Variants in PDE4D observed in about 807,000 individuals in gnomAD.
The protein encoded by PDE4D is phosphodiesterase 4D.
A neutral mutation model predicts 87.4 loss-of-function variants in PDE4D; 24 were observed. The observed-to-expected ratio is 0.27, with a 90% CI of 0.20 to 0.39. The LOEUF (loss-of-function observed/expected upper bound fraction) is 0.39, where lower values mean the gene tolerates loss of function less well. Among genes scored for constraint, PDE4D ranks in the 10% least tolerant of loss-of-function variants. PDE4D has a pLI of 1.00. For synonymous variants in PDE4D, 384 were observed against 383.2 expected, an observed-to-expected ratio of 1.00 and a Z score of -0.02; for missense variants, 714 against 1,041.0, an observed-to-expected ratio of 0.69 and a Z score of 4.32.
chr5:59,303,737 C>T (rs1027921216), intron 1 of PDE4D, among the ~76,000 whole-genome samples: 1 of 152,032 alleles, frequency 6.6e-6, no homozygotes, highest in Non-Finnish European at 1.5e-5. Context: ...CTATTCTGTT[C>T]CATTGGTCTA....
chr5:59,958,565 T>C (rs1335676848), intron 3 of PDE4D, among the ~76,000 whole-genome samples: 5 of 152,112 alleles, frequency 3.3e-5, no homozygotes, highest in African/African-American at 9.7e-5. Flanking sequence ...TTATAGTGAA[T>C]TGATAAGCAG....
At chr5:60,095,154 C>T (rs1775549888) in intron 2 of PDE4D, among the ~76,000 whole-genome samples, 1 of 152,142 alleles carries the variant, frequency 6.6e-6, no homozygotes, top group Admixed American at 6.5e-5. Context: ...CACCTATCAA[C>T]ACATCACCTA....
intron 6 of PDE4D, among the ~76,000 whole-genome samples, chr5:59,007,844 CA>C (rs1323354346): frequency 6.6e-6 from 1 of 151,346 alleles, no homozygotes; most frequent in African/African-American, 2.4e-5. Flanking sequence ...TTTTTTTTAA[CA>C]AAAAAGTCTC....
intron 5 of PDE4D, among the ~76,000 whole-genome samples, chr5:59,148,521 G>A (rs1009668856): frequency 4.6e-5 from 7 of 152,238 alleles, no homozygotes; most frequent in African/African-American, 1.4e-4. Flanking sequence ...TGTGGAGAGG[G>A]TGAAATGATG....
chr5:60,048,362 T>C (rs1769592297), intron 2 of PDE4D, among the ~76,000 whole-genome samples: 2 of 152,232 alleles, frequency 1.3e-5, no homozygotes, highest in African/African-American at 4.8e-5. Context: ...TTAGTCCATT[T>C]ACATTTAAAG....
chr5:60,334,405 T>A (rs1757567528), intron 1 of PDE4D, among the ~76,000 whole-genome samples: 1 of 152,080 alleles, frequency 6.6e-6, no homozygotes, highest in South Asian at 2.1e-4. Flanking sequence ...AGCTAGTGAG[T>A]AAGGGAATAG....
chr5:59,077,220 T>C (rs751531611), intron 5 of PDE4D, among the ~76,000 whole-genome samples: 59 of 152,152 alleles, frequency 3.9e-4, no homozygotes, highest in Non-Finnish European at 6.8e-4. Flanking sequence ...ATAGAGTAAA[T>C]ATTTAACAAC....
intron 1 of PDE4D, among the ~76,000 whole-genome samples, chr5:60,500,059 A>C (rs1010826635): frequency 3.9e-5 from 6 of 152,040 alleles, no homozygotes; most frequent in African/African-American, 1.4e-4. Flanking sequence ...CTCTAATCCC[A>C]GCACTTAGGG....
intron 2 of PDE4D, among the ~76,000 whole-genome samples, chr5:59,990,159 T>G (rs1310110110): frequency 1.3e-5 from 2 of 152,154 alleles, no homozygotes; most frequent in Non-Finnish European, 2.9e-5. Context: ...ACTATACAAC[T>G]ATCTTTGGGC....
chr5:60,331,397 G>A (rs2149869812), intron 1 of PDE4D, among the ~76,000 whole-genome samples: 1 of 152,330 alleles, frequency 6.6e-6, no homozygotes, highest in South Asian at 2.1e-4. Context: ...AGAAGAAGCT[G>A]GCCCCCAGGC....
chr5:59,682,434 A>G (rs1202376683), intron 1 of PDE4D, among the ~76,000 whole-genome samples: 2 of 152,190 alleles, frequency 1.3e-5, no homozygotes, highest in African/African-American at 4.8e-5. Flanking sequence ...TGACCTGACT[A>G]TCATCCCCAG....
intron 1 of PDE4D, among the ~76,000 whole-genome samples, chr5:59,625,487 C>A (rs1384502683): frequency 6.6e-6 from 1 of 151,348 alleles, no homozygotes; most frequent in East Asian, 1.9e-4. Flanking sequence ...AATTTCTGAC[C>A]TAAAGAGCTG....
chr5:60,178,471 C>A (rs956615882), intron 2 of PDE4D, among the ~76,000 whole-genome samples: 1 of 152,100 alleles, frequency 6.6e-6, no homozygotes, highest in African/African-American at 2.4e-5. Context: ...ACTTTTTCAG[C>A]CCTTATATGC....
At chr5:60,429,800 C>CT in intron 1 of PDE4D, 1 of 325,026 alleles carries the variant, frequency 3.1e-6, no homozygotes, top group Non-Finnish European at 6.0e-6. Flanking sequence ...GTCTTGCATC[C>CT]TAGGGATAAA....
chr5:59,678,905 G>C (rs1429318547), intron 1 of PDE4D, among the ~76,000 whole-genome samples: 5 of 152,162 alleles, frequency 3.3e-5, no homozygotes, highest in African/African-American at 9.7e-5. Context: ...TTGACATGGA[G>C]TGTTACCATT....
At chr5:59,468,966 G>A (rs538318730) in intron 1 of PDE4D, among the ~76,000 whole-genome samples, 19 of 152,276 alleles carry the variant, frequency 1.2e-4, no homozygotes, top group African/African-American at 3.6e-4. Flanking sequence ...CCTGCAATAT[G>A]AGACATTGTA....
intron 1 of PDE4D, among the ~76,000 whole-genome samples, chr5:59,448,051 T>C (rs1483124975): frequency 6.6e-6 from 1 of 152,228 alleles, no homozygotes; most frequent in African/African-American, 2.4e-5. Flanking sequence ...TCAGCCTAAT[T>C]AGTCAAAATA....
intron 1 of PDE4D, among the ~76,000 whole-genome samples, chr5:59,401,358 C>A (rs258105): frequency 0.42 from 63,810 of 151,900 alleles, 13,701 homozygotes; most frequent in East Asian, 0.49. Context: ...GGAGCCCAAA[C>A]GTTCAAGGTT....
chr5:59,632,516 C>T (rs539422204), intron 1 of PDE4D, among the ~76,000 whole-genome samples: 1 of 152,326 alleles, frequency 6.6e-6, no homozygotes, highest in African/African-American at 2.4e-5. Flanking sequence ...CTGTTGGGTG[C>T]CCCTCTTGGA....
Sources: gnomAD v4.1 joint callset for allele counts (sites outside exome capture counted in the v4.1 genomes callset) on GRCh38, gnomAD v4.1.1 for gene constraint, MANE v1.5 for transcripts, NCBI Gene and HGNC (gene_info 2026-07-23, HGNC 2026-07-21) for gene names.